DOCK10: variants seen among roughly 807,000 people sequenced by gnomAD.
DOCK10 encodes the protein dedicator of cytokinesis 10.
In DOCK10, 145 loss-of-function variants were observed where a neutral mutation model predicts 280.1. That is an observed-to-expected ratio of 0.52 (90% CI 0.45 to 0.59). DOCK10 has a LOEUF of 0.59. DOCK10 is among the 20% of genes least tolerant of loss of function. The pLI is 0.00. For missense variants in DOCK10, 2,368 were observed against 2,651.7 expected (o/e 0.89, Z 2.35); for synonymous variants, 915 against 942.2 (o/e 0.97, Z 0.53).
chr2:224,975,634 A>G (rs922829039), intron 1 of DOCK10, among the ~76,000 whole-genome samples: 1 of 152,226 alleles, frequency 6.6e-6, no homozygotes, highest in Non-Finnish European at 1.5e-5. Context: ...TTTCCTTTGG[A>G]GTAGTTTCCA....
chr2:224,802,852 C>T (rs1169334877), intron 39 of DOCK10, among the ~76,000 whole-genome samples: 5 of 152,110 alleles, frequency 3.3e-5, no homozygotes. Context: ...TAGGCCTTTA[C>T]CTAAAAATGA....
intron 1 of DOCK10, among the ~76,000 whole-genome samples, chr2:224,964,539 C>T (rs575404184): frequency 1.8e-4 from 27 of 152,010 alleles, no homozygotes; most frequent in African/African-American, 6.3e-4. Flanking sequence ...CGGTCTCGCC[C>T]CATCACCCAG....
chr2:224,826,467 C>A (rs1260686463), intron 27 of DOCK10, among the ~76,000 whole-genome samples: 1 of 152,142 alleles, frequency 6.6e-6, no homozygotes, highest in Non-Finnish European at 1.5e-5. Context: ...ATCTTCCACA[C>A]TTACTCCTTG....
rs564893956 is a variant in DOCK10, at chr2:224,975,489, A to C, written c.124-43821T>G. 6.6e-5 allele frequency among the ~76,000 whole-genome samples: 10 copies of C among 152,340 alleles called. No individual in the cohort carries two copies. In the East Asian group the frequency reaches 1.9e-3, roughly 29 times the overall value. ...ATAGAAACATTAGCTCAGGATTTAG[A>C]GATTCTGGAAATTGTTTCTTCTTCA... On this transcript the variant is annotated intron_variant, in intron 1 of 55. Transcript: ENST00000258390.
intron 25 of DOCK10, among the ~76,000 whole-genome samples, chr2:224,836,182 G>A (rs1046105224): frequency 6.6e-6 from 1 of 152,172 alleles, no homozygotes; most frequent in Admixed American, 6.5e-5. Context: ...TCCCTTTAAG[G>A]ATTGAAATGA....
At chr2:224,875,048 C>G (rs924777876) in intron 8 of DOCK10, among the ~76,000 whole-genome samples, 1 of 152,188 alleles carries the variant, frequency 6.6e-6, no homozygotes, top group Non-Finnish European at 1.5e-5. Flanking sequence ...TTCATTAATG[C>G]ATACTAAAGT....
At chr2:224,918,508 G>A (rs1480703492) in intron 2 of DOCK10, among the ~76,000 whole-genome samples, 1 of 140,474 alleles carries the variant, frequency 7.1e-6, no homozygotes, top group Non-Finnish European at 1.6e-5. Context: ...TGTGGTGTGC[G>A]TGTATGTGTA....
At chr2:224,804,632 G>A (rs1693263442) in intron 38 of DOCK10, among the ~76,000 whole-genome samples, 162 bp downstream of exon 38, 1 of 151,906 alleles carries the variant, frequency 6.6e-6, no homozygotes, top group Non-Finnish European at 1.5e-5. Context: ...TGCGTATGAG[G>A]CAATCTTCAA....
At chr2:224,858,751 A>G (rs1036783553) in intron 14 of DOCK10, among the ~76,000 whole-genome samples, 2 of 152,324 alleles carry the variant, frequency 1.3e-5, no homozygotes, top group Non-Finnish European at 1.5e-5. Flanking sequence ...CCTAGTTCCA[A>G]CTGCTACAGT....
chr2:224,972,989 T>C lies in DOCK10; in HGVS notation c.124-41321A>G, dbSNP rs10498176. Among the ~76,000 whole-genome samples the C allele has an allele frequency of 3.3e-4, 50 of 152,356 alleles. No individual in the cohort carries two copies. In the East Asian group the frequency reaches 9.2e-3, roughly 28 times the overall value. ...AGTGCTCTCATAAATAAGCTAACTT[T>C]GAATTTCCATTTTTACACATTTTAT... On this transcript the variant is annotated intron_variant, in intron 1 of 55. Transcript: ENST00000258390.
intron 1 of DOCK10, among the ~76,000 whole-genome samples, chr2:225,039,570 AC>A (rs1369989664): frequency 2.0e-5 from 3 of 152,110 alleles, no homozygotes; most frequent in Admixed American, 6.5e-5. Context: ...TTTGGCATAC[AC>A]CTGTATTGTC....
In DOCK10 at chr2:224,961,406, T is replaced by TTCTTTC. The variant is rs1361773026; in HGVS notation, c.124-29744_124-29739dup. 2.3e-3 allele frequency among the ~76,000 whole-genome samples: 270 copies of TTCTTTC among 115,562 alleles called. 2 individuals are homozygous for TTCTTTC. Among genetic ancestry groups the TTCTTTC allele is most frequent in the African/African-American group, 8.3e-3 (258 of 31,032 alleles). 75.8% of individuals were successfully genotyped at this position (115,562 alleles called of 152,430 possible). A position where few individuals can be genotyped will look rare whatever the true frequency, so the allele number is the denominator to read the frequency against. ...TTTTGCATAGCAGCATTTTCTTTCTTTCTTTCTCTTTCTTTCTTTCTTTCT... is the reference window on the plus strand; with the variant it reads ...TTTTGCATAGCAGCATTTTCTTTCTTTCTTTCTCTTTCTCTTTCTTTCTTTCTTTCT... On this transcript the variant is annotated intron_variant, in intron 1 of 55. Coordinates refer to ENST00000258390, the MANE Select transcript of DOCK10 (RefSeq NM_014689.3).
At chr2:224,785,550 G>A (rs1175568273) in intron 50 of DOCK10, among the ~76,000 whole-genome samples, 1 of 152,012 alleles carries the variant, frequency 6.6e-6, no homozygotes, top group Non-Finnish European at 1.5e-5. Context: ...GCGCGATCTC[G>A]GCTCACTGCA....
chr2:225,010,693 T>C (rs1689409013), intron 1 of DOCK10, among the ~76,000 whole-genome samples: 2 of 152,086 alleles, frequency 1.3e-5, no homozygotes, highest in Admixed American at 1.3e-4. Flanking sequence ...TATTACAGAA[T>C]GAATTAGAGT....
At chr2:224,950,749 G>A (rs762426730) in intron 1 of DOCK10, among the ~76,000 whole-genome samples, 7 of 152,324 alleles carry the variant, frequency 4.6e-5, no homozygotes, top group Middle Eastern at 3.4e-3. Context: ...GACTGGAGAC[G>A]TGGAGCAGAA....
Position 224,978,450 on chromosome 2 carries a change from C to T in DOCK10, c.124-46782G>A, listed in dbSNP as rs1197049709. On this transcript the variant is annotated intron_variant, in intron 1 of 55. Coordinates refer to ENST00000258390, the MANE Select transcript of DOCK10 (RefSeq NM_014689.3). ...TCCGTCTCGGAAAAAAAAAAGTAGG[C>T]TTACTTTCTGCCTTTGAGGGTCAAG... 3.3e-5 allele frequency among the ~76,000 whole-genome samples: 5 copies of T among 151,964 alleles called. No homozygotes were observed. The East Asian group carries it at 9.6e-4, about 29-fold the overall frequency.
chr2:224,927,287 G>A (rs1175293833), intron 2 of DOCK10, among the ~76,000 whole-genome samples: 2 of 152,174 alleles, frequency 1.3e-5, no homozygotes, highest in Non-Finnish European at 2.9e-5. Flanking sequence ...GGAACCAGAT[G>A]ACAGGGGTTA....
At chr2:224,797,326 T>C (rs1357980577) in intron 42 of DOCK10, among the ~76,000 whole-genome samples, 180 bp from the exon 43 acceptor site, 1 of 151,948 alleles carries the variant, frequency 6.6e-6, no homozygotes, top group Admixed American at 6.6e-5. Context: ...TGTTAGCATT[T>C]GTCTTTTTTC....
intron 1 of DOCK10, among the ~76,000 whole-genome samples, chr2:225,025,111 T>C (rs975028591): frequency 6.6e-6 from 1 of 152,180 alleles, no homozygotes; most frequent in East Asian, 1.9e-4. Flanking sequence ...ATTTGCCACA[T>C]TAAGCAGGTG....
Sources: allele counts gnomAD v4.1 joint callset (sites outside exome capture counted in the v4.1 genomes callset), GRCh38; gene constraint gnomAD v4.1.1; transcripts MANE v1.5; gene names NCBI Gene and HGNC (gene_info 2026-07-23, HGNC 2026-07-21).